PCDHA10: variants seen among roughly 807,000 people sequenced by gnomAD.
The protein encoded by PCDHA10 is protocadherin alpha-10.
A neutral mutation model predicts 61.2 loss-of-function variants in PCDHA10; 45 were observed. The ratio of observed to expected loss-of-function variants is 0.74; its 90% CI spans 0.58 to 0.94. PCDHA10 has a LOEUF of 0.94. Among genes scored for constraint, PCDHA10 ranks in the 40% least tolerant of loss-of-function variants. PCDHA10 has a pLI of 0.00. For missense variants in PCDHA10, 1,278 were observed against 1,236.2 expected, an observed-to-expected ratio of 1.03 and a Z score of -0.51; for synonymous variants, 602 against 548.8, an observed-to-expected ratio of 1.10 and a Z score of -1.35.
chr5:140,882,539 G>C (rs1303287274), intron 1 of PCDHA10: 2 of 1,614,110 alleles, frequency 1.2e-6, no homozygotes. Context: ...TTCTCGGATC[G>C]ACCGCGAGGA....
intron 3 of PCDHA10, among the ~76,000 whole-genome samples, chr5:140,985,892 A>G (rs2097176300): frequency 1.3e-5 from 2 of 151,830 alleles, no homozygotes; most frequent in Non-Finnish European, 2.9e-5. Flanking sequence ...GGCGCCCGCC[A>G]CCACTCCCGT....
intron 1 of PCDHA10, among the ~76,000 whole-genome samples, chr5:140,973,030 C>G (rs1274875201): frequency 1.3e-5 from 2 of 152,014 alleles, no homozygotes; most frequent in African/African-American, 4.8e-5. Context: ...TAATGAGTCA[C>G]TTTGAGTACT....
intron 1 of PCDHA10, chr5:140,862,002 T>C (rs1430406580): frequency 6.4e-6 from 1 of 155,594 alleles, no homozygotes; most frequent in Non-Finnish European, 1.4e-5. Context: ...CACTGGTTAT[T>C]AGACTTAACC....
chr5:140,858,015 C>T lies in PCDHA10; in HGVS notation c.1967C>T (p.Pro656Leu), dbSNP rs781847343. ...LLVLVKDHGEPSLTATATVLV... is the reference protein window; with the variant it reads ...LLVLVKDHGELSLTATATVLV... ...GTGCTGGTGAAGGACCATGGCGAGC[C>T]GTCGCTGACGGCCACGGCCACTGTG... The change falls in exon 1 of 4, where the codon CCG (proline) becomes CTG (leucine). Residue 656 changes from proline (P) to leucine (L), a missense_variant. Pro to Leu is a moderately conservative substitution (Grantham distance 98, BLOSUM62 -3). Transcript: ENST00000307360. The T allele has an allele frequency of 2.6e-5, 41 of 1,596,884 alleles. 4 individuals carry two copies. Among genetic ancestry groups the T allele is most frequent in the South Asian group, 1.2e-4 (11 of 90,482 alleles).
chr5:140,862,807 C>T (rs782675641), intron 1 of PCDHA10: 1 of 572,850 alleles, frequency 1.7e-6, no homozygotes, highest in East Asian at 4.7e-5. Context: ...GGAGCTGCTG[C>T]AGTTCTAGGT....
chr5:140,925,033 C>G (rs1176042899), intron 1 of PCDHA10, among the ~76,000 whole-genome samples: 1 of 151,334 alleles, frequency 6.6e-6, no homozygotes, highest in Non-Finnish European at 1.5e-5. Flanking sequence ...ATCGCTTGAG[C>G]CCAGAAGTTT....
At chr5:140,925,072 G>C (rs921580794) in intron 1 of PCDHA10, among the ~76,000 whole-genome samples, 1 of 149,184 alleles carries the variant, frequency 6.7e-6, no homozygotes, top group Non-Finnish European at 1.5e-5. Context: ...AAAGCAACAC[G>C]CTCATCTGGA....
In PCDHA10 at chr5:140,858,010, C is replaced by T. The variant is rs1554151006; in HGVS notation, c.1962C>T (p.Gly654=). ...TACTGGTGCTGGTGAAGGACCATGG[C>T]GAGCCGTCGCTGACGGCCACGGCCA... ...QRLLVLVKDH[G]EPSLTATATV... Residue 654 remains glycine, a synonymous_variant, in exon 1 of 4, where the codon GGC becomes GGT. Coordinates refer to ENST00000307360, the MANE Select transcript of PCDHA10 (RefSeq NM_018901.4). 1.3e-6 allele frequency: 2 copies of T among 1,596,376 alleles called. No individual in the cohort carries two copies. The highest frequency in any genetic ancestry group is 1.1e-5 in the South Asian group (1 of 90,476).
chr5:140,875,039 A>C (rs1443862423), intron 1 of PCDHA10, among the ~76,000 whole-genome samples: 1 of 152,230 alleles, frequency 6.6e-6, no homozygotes, highest in East Asian at 1.9e-4. Flanking sequence ...TATTTGAAAG[A>C]TTTCTACTTT....
chr5:140,988,578 C>A (rs1490917539), intron 3 of PCDHA10, among the ~76,000 whole-genome samples: 1 of 152,138 alleles, frequency 6.6e-6, no homozygotes, highest in African/African-American at 2.4e-5. Context: ...ACACTCTGTA[C>A]CTTCCACTTT....
At chr5:140,863,106 C>G (rs782630265) in intron 1 of PCDHA10, 1 of 582,196 alleles carries the variant, frequency 1.7e-6, no homozygotes, top group Non-Finnish European at 3.4e-6. Context: ...GTACCCTGGA[C>G]GAGGCGAAAG....
chr5:140,974,396 G>C (rs1413050341), intron 1 of PCDHA10, among the ~76,000 whole-genome samples: 1 of 152,178 alleles, frequency 6.6e-6, no homozygotes, highest in Admixed American at 6.5e-5. Context: ...CATTAGGTAT[G>C]TTCTAAAGTT....
At chr5:140,960,551 G>T (rs2095555454) in intron 1 of PCDHA10, among the ~76,000 whole-genome samples, 1 of 152,102 alleles carries the variant, frequency 6.6e-6, no homozygotes, top group Admixed American at 6.5e-5. Flanking sequence ...CCTTCATATA[G>T]ACTGAGCTTA....
chr5:140,870,524 T>C (rs1554164360), intron 1 of PCDHA10: 35 of 1,614,076 alleles, frequency 2.2e-5, no homozygotes, highest in Non-Finnish European at 2.8e-5. Context: ...TGCCACATCT[T>C]CACAGTGTCG....
chr5:140,870,358 G>C lies in PCDHA10; in HGVS notation c.2388+11922G>C, dbSNP rs201159213. The C allele has an allele frequency of 1.2e-5, 20 of 1,614,216 alleles. No homozygotes were observed. The Admixed American group carries it at 3.3e-4, about 27-fold the overall frequency. ...CGCCCTGGACCGCGAGAACGTGTGG[G>C]CCTATGAACTGGTGGTGACTGCGCG... On this transcript the variant is annotated intron_variant, in intron 1 of 3. Transcript: ENST00000307360.
intron 1 of PCDHA10, chr5:140,863,589 T>C: frequency 2.8e-6 from 1 of 359,456 alleles, no homozygotes; most frequent in Admixed American, 3.7e-5. Flanking sequence ...TCCTGGAAAG[T>C]ATTTCATTCC....
chr5:141,000,367 C>G (rs1158701279), intron 3 of PCDHA10, among the ~76,000 whole-genome samples: 1 of 18,506 alleles, frequency 5.4e-5, no homozygotes, highest in Admixed American at 6.5e-4. Flanking sequence ...CTCTGTCTCT[C>G]TCTCTCTCTC....
At chr5:140,883,573 G>C in intron 1 of PCDHA10, 7 of 1,614,076 alleles carry the variant, frequency 4.3e-6, no homozygotes, top group Non-Finnish European at 5.9e-6. Flanking sequence ...CGCCTTCGCT[G>C]TGGGCCACGG....
intron 1 of PCDHA10, among the ~76,000 whole-genome samples, chr5:140,976,181 A>G (rs1334452758): frequency 6.6e-6 from 1 of 152,208 alleles, no homozygotes; most frequent in Non-Finnish European, 1.5e-5. Flanking sequence ...ATTGTTTTAA[A>G]TCAATATCCT....
Sources: gnomAD v4.1 joint callset for allele counts (sites outside exome capture counted in the v4.1 genomes callset) on GRCh38, gnomAD v4.1.1 for gene constraint, MANE v1.5 for transcripts, NCBI Gene and HGNC (gene_info 2026-07-23, HGNC 2026-07-21) for gene names.